THADA: variants seen among roughly 807,000 people sequenced by gnomAD.
The protein encoded by THADA is tRNA (32-2'-O)-methyltransferase regulator THADA.
THADA carries 213 observed loss-of-function variants against 219.8 expected under a neutral mutation model. The observed-to-expected ratio is 0.97, with a 90% CI of 0.87 to 1.09. The LOEUF (loss-of-function observed/expected upper bound fraction) is 1.09. Ranked by LOEUF, THADA falls within the 50% of genes least tolerant of loss-of-function variation. The pLI is 0.00. For synonymous variants in THADA, 1,018 were observed against 828.9 expected, an observed-to-expected ratio of 1.23 and a Z score of -3.92; for missense variants, 2,956 against 2,311.3, an observed-to-expected ratio of 1.28 and a Z score of -5.72.
intron 26 of THADA, among the ~76,000 whole-genome samples, chr2:43,450,248 T>A (rs114012326): frequency 1.3e-5 from 2 of 152,174 alleles, no homozygotes; most frequent in East Asian, 3.8e-4. Flanking sequence ...TATAACTTCA[T>A]ACTTTGTTTT....
rs897214786 is a variant in THADA, at chr2:43,231,840, T to G, written c.5467-497A>C. ...CAGACACTTACCATGTCTCCAAATT[T>G]CTCATAAAGAGGGACAATGCGTTTT... On this transcript the variant is annotated intron_variant, in intron 37 of 37. Transcript: ENST00000405975. Among the ~76,000 whole-genome samples, 4 of 152,180 alleles carry G rather than the reference T, an allele frequency of 2.6e-5. 1 individual carries two copies. The highest frequency in any genetic ancestry group is 2.6e-4 in the Admixed American group (4 of 15,282).
intron 20 of THADA, among the ~76,000 whole-genome samples, chr2:43,547,765 G>A (rs956551148): frequency 2.0e-5 from 3 of 152,034 alleles, no homozygotes; most frequent in Non-Finnish European, 4.4e-5. Flanking sequence ...TTATACATTT[G>A]TCTAAATTTT....
At chr2:43,554,557 A>C (rs541545830) in intron 17 of THADA, among the ~76,000 whole-genome samples, 2 of 152,224 alleles carry the variant, frequency 1.3e-5, no homozygotes, top group African/African-American at 4.8e-5. Flanking sequence ...TAAACATGGG[A>C]AAAAATAATT....
intron 22 of THADA, among the ~76,000 whole-genome samples, chr2:43,509,429 T>G (rs549133383): frequency 6.6e-6 from 1 of 152,316 alleles, no homozygotes; most frequent in South Asian, 2.1e-4. Flanking sequence ...CCTACTAGAC[T>G]GTATAACATT....
intron 29 of THADA, among the ~76,000 whole-genome samples, chr2:43,369,645 T>A (rs1349525757): frequency 1.3e-5 from 2 of 152,190 alleles, no homozygotes; most frequent in African/African-American, 4.8e-5. Context: ...CAGGCCTTCA[T>A]GACCAAAATC....
At position 43,558,189 on chromosome 2, in the gene THADA, C is replaced by T. The variant is rs546496740; in HGVS notation, c.2464-1634G>A. Among the ~76,000 whole-genome samples the T allele has an allele frequency of 8.5e-5, 13 of 152,196 alleles. No individual in the cohort carries two copies. In the East Asian group the frequency reaches 2.3e-3, roughly 27 times the overall value. On this transcript the variant is annotated intron_variant, in intron 16 of 37. Transcript: ENST00000405975. ...ATGCAGCTCCAAAGAAGGAGAGTAACCTAGGTGAGTAGGATAGTCAAGCTA... is the reference window on the plus strand; with the variant it reads ...ATGCAGCTCCAAAGAAGGAGAGTAATCTAGGTGAGTAGGATAGTCAAGCTA...
intron 15 of THADA, chr2:43,565,718 T>C (rs1698583769): frequency 6.6e-6 from 1 of 152,246 alleles, no homozygotes; most frequent in Non-Finnish European, 1.5e-5. Context: ...ATTTTCCTGT[T>C]TGACCACAGT....
chr2:43,334,706 C>T (rs1039289556), intron 30 of THADA, among the ~76,000 whole-genome samples: 5 of 151,448 alleles, frequency 3.3e-5, no homozygotes, highest in Non-Finnish European at 5.9e-5. Flanking sequence ...ACCTGGGAGG[C>T]GGAGCTTGCA....
At chr2:43,525,267 T>C (rs969462259) in intron 22 of THADA, among the ~76,000 whole-genome samples, 3 of 152,230 alleles carry the variant, frequency 2.0e-5, no homozygotes, top group Admixed American at 6.5e-5. Flanking sequence ...AGTTGGTTCA[T>C]GTGGCAGATG....
rs1480584634 is a variant in THADA at position 43,514,686 on chromosome 2, A to G, written c.3375-5906T>C. On this transcript the variant is annotated intron_variant, in intron 22 of 37. Coordinates refer to ENST00000405975, the MANE Select transcript of THADA (RefSeq NM_022065.5). ...ATAATAATATATAATATATTATATT[A>G]TATATAATATATATAATATATATAT... 4.4e-4 allele frequency among the ~76,000 whole-genome samples: 32 copies of G among 73,526 alleles called. 3 individuals carry two copies. Among genetic ancestry groups the G allele is most frequent in the African/African-American group, 2.0e-3 (31 of 15,772 alleles). 48.2% of individuals were successfully genotyped at this position (73,526 alleles called of 152,430 possible).
chr2:43,243,385 A>G (rs923545672), intron 36 of THADA, among the ~76,000 whole-genome samples: 3 of 152,190 alleles, frequency 2.0e-5, no homozygotes, highest in Admixed American at 1.3e-4. Context: ...AACATTCTAC[A>G]GTGTTCACGA....
chr2:43,280,176 C>A (rs1306682316), intron 35 of THADA, among the ~76,000 whole-genome samples: 1 of 152,178 alleles, frequency 6.6e-6, no homozygotes, highest in Non-Finnish European at 1.5e-5. Context: ...GCCCAGGTGA[C>A]AAAGACCCTC....
At chr2:43,592,871 G>T (rs1048504895) in intron 1 of THADA, 3 of 152,442 alleles carry the variant, frequency 2.0e-5, no homozygotes, top group African/African-American at 7.2e-5. Flanking sequence ...CTAAGAGGAG[G>T]TACTACCGTG....
At position 43,552,318 on chromosome 2, in the gene THADA, T is replaced by C. The variant is rs776339335; in HGVS notation, c.2696A>G (p.Asn899Ser). 1 of 1,594,724 alleles carries C rather than the reference T, an allele frequency of 6.3e-7. No individual in the cohort carries two copies. The highest frequency in any genetic ancestry group is 8.5e-7 in the Non-Finnish European group (1 of 1,174,988). Residue 899 changes from asparagine (N) to serine (S), a missense_variant, in exon 18 of 38, where the codon AAT becomes AGT. Transcript: ENST00000405975. ...AGCCTGAGATACTTCTTCCTCAAGATTTTCCATCAAGCATTTGATAACTAG... is the reference window on the plus strand; with the variant it reads ...AGCCTGAGATACTTCTTCCTCAAGACTTTCCATCAAGCATTTGATAACTAG... ...TLMVIKCLME[N>S]LEEEVSQAEN...
chr2:43,395,018 A>C (rs1407897207), intron 29 of THADA, among the ~76,000 whole-genome samples: 1 of 152,200 alleles, frequency 6.6e-6, no homozygotes, highest in Non-Finnish European at 1.5e-5. Flanking sequence ...TAGCCCAGAC[A>C]CAGAGCAAAA....
In THADA at chr2:43,293,066, G is replaced by A. The variant is rs1674933150; in HGVS notation, c.4586C>T (p.Ala1529Val). The A allele has an allele frequency of 1.2e-6, 2 of 1,613,948 alleles. No homozygotes were observed. The highest frequency in any genetic ancestry group is 1.7e-6 in the Non-Finnish European group (2 of 1,179,882). ...LTRLAIAAVW[A>V]AAAKSGERET... Reference sequence around the variant, plus strand: ...CCGCTCTCCACTCTTGGCTGCCGCGGCCCACACTGCAGCAATGGCTAGTCT... The same window carrying A: ...CCGCTCTCCACTCTTGGCTGCCGCGACCCACACTGCAGCAATGGCTAGTCT... Residue 1529 changes from alanine to valine, a missense_variant, in exon 32 of 38, where the codon GCC (alanine) becomes GTC (valine). Coordinates refer to ENST00000405975, the MANE Select transcript of THADA (RefSeq NM_022065.5).
chr2:43,548,172 G>A (rs1425213052), intron 20 of THADA, among the ~76,000 whole-genome samples: 4 of 152,214 alleles, frequency 2.6e-5, no homozygotes. Flanking sequence ...GGTGGCTGCA[G>A]AACAGCGGAT....
At chr2:43,429,985 A>G (rs1286838902) in intron 27 of THADA, among the ~76,000 whole-genome samples, 1 of 152,186 alleles carries the variant, frequency 6.6e-6, no homozygotes, top group African/African-American at 2.4e-5. Flanking sequence ...CCTGGGAAAC[A>G]TGACGAAACC....
intron 7 of THADA, among the ~76,000 whole-genome samples, chr2:43,583,813 CA>C (rs1036054068): frequency 1.3e-5 from 2 of 151,882 alleles, no homozygotes; most frequent in African/African-American, 4.8e-5. Flanking sequence ...GGGACTGGGG[CA>C]GGGGGACTGC....
Sources: gnomAD v4.1 joint callset for allele counts (sites outside exome capture counted in the v4.1 genomes callset) on GRCh38, gnomAD v4.1.1 for gene constraint, MANE v1.5 for transcripts, NCBI Gene and HGNC (gene_info 2026-07-23, HGNC 2026-07-21) for gene names.